Variants in ACTR10 observed in about 807,000 individuals in gnomAD.
ACTR10 encodes actin-related protein 10.
A neutral mutation model predicts 56.2 loss-of-function variants in ACTR10; 43 were observed. The ratio of observed to expected loss-of-function variants is 0.77; its 90% CI spans 0.60 to 0.99. ACTR10 has a LOEUF of 0.99. ACTR10 is among the 50% of genes least tolerant of loss of function. The pLI is 0.00. For synonymous variants in ACTR10, 170 were observed against 176.3 expected (o/e 0.96, Z 0.28); for missense variants, 466 against 507.8 (o/e 0.92, Z 0.79).
intron 5 of ACTR10, among the ~76,000 whole-genome samples, chr14:58,211,646 A>G (rs1008222369): frequency 6.6e-6 from 1 of 152,200 alleles, no homozygotes; most frequent in Non-Finnish European, 1.5e-5. Context: ...TCAGTTTTTA[A>G]AAGAAAAATC....
rs752703210 is a variant in ACTR10, at chr14:58,208,005, A to C, written c.220A>C (p.Ile74Leu). 4.0e-6 allele frequency: 6 copies of C among 1,510,216 alleles called. No individual in the cohort carries two copies. The highest frequency in any genetic ancestry group is 5.3e-6 in the Non-Finnish European group (6 of 1,136,956). 93.6% of individuals were successfully genotyped at this position (1,510,216 alleles called of 1,614,324 possible). A position where few individuals can be genotyped will look rare whatever the true frequency, so the allele number is the denominator to read the frequency against. ...TTCCTACCTAAAGGAATTCATCCAC[A>C]TACTATATTTCAGGTAAGATACATT... ...LYSYLKEFIH[I>L]LYFRHLLVNP... Residue 74 changes from isoleucine to leucine, a missense_variant, in exon 3 of 13, where the codon ATA becomes CTA. Transcript: ENST00000254286.
chr14:58,201,012 G>A (rs1888692431), intron 1 of ACTR10, among the ~76,000 whole-genome samples: 1 of 152,190 alleles, frequency 6.6e-6, no homozygotes, highest in Admixed American at 6.5e-5. Flanking sequence ...GTGGTCCTGG[G>A]ACCCTAGATT....
rs563556842 is a variant in ACTR10, at chr14:58,208,270, G to T, written c.233+252G>T. ...AATTAAATTATTCTACATTCATACA[G>T]TGAAATACCATGCAGCTCTTTAAAA... On this transcript the variant is annotated intron_variant, in intron 3 of 12. Coordinates refer to ENST00000254286, the MANE Select transcript of ACTR10 (RefSeq NM_018477.3). Among the ~76,000 whole-genome samples the T allele has an allele frequency of 4.8e-4, 73 of 152,234 alleles. 1 individual carries two copies. Among genetic ancestry groups the T allele is most frequent in the Admixed American group, 1.2e-3 (19 of 15,280 alleles).
At chr14:58,201,743 A>G (rs754356007) in intron 1 of ACTR10, among the ~76,000 whole-genome samples, 5 of 152,354 alleles carry the variant, frequency 3.3e-5, no homozygotes, top group Non-Finnish European at 7.3e-5. Context: ...TTTAAAAATA[A>G]TACTGTAATT....
intron 10 of ACTR10, among the ~76,000 whole-genome samples, chr14:58,226,258 C>T (rs977079346): frequency 6.6e-6 from 1 of 151,368 alleles, no homozygotes; most frequent in African/African-American, 2.4e-5. Context: ...AGAGTGAGAC[C>T]CCATCTCTTT....
chr14:58,210,780 T>C (rs533779066), intron 4 of ACTR10, among the ~76,000 whole-genome samples: 2 of 151,638 alleles, frequency 1.3e-5, no homozygotes, highest in South Asian at 4.2e-4. Context: ...GTTCAAGCAA[T>C]TCTCCTGCCT....
intron 10 of ACTR10, among the ~76,000 whole-genome samples, chr14:58,226,177 G>A (rs1368761464): frequency 6.6e-6 from 1 of 152,064 alleles, no homozygotes; most frequent in Non-Finnish European, 1.5e-5. Flanking sequence ...GAGGTGGGAG[G>A]ATCACTTGAG....
intron 8 of ACTR10, among the ~76,000 whole-genome samples, chr14:58,221,416 A>AATC (rs1269992213): frequency 1.3e-5 from 2 of 152,078 alleles, no homozygotes; most frequent in African/African-American, 4.8e-5. Flanking sequence ...CAACGTGATG[A>AATC]ACCCTGTCTC....
intron 7 of ACTR10, among the ~76,000 whole-genome samples, chr14:58,218,676 G>A (rs2140054397): frequency 6.6e-6 from 1 of 152,104 alleles, no homozygotes; most frequent in South Asian, 2.1e-4. Context: ...GACAACAAAT[G>A]TAGATCCAGG....
At chr14:58,204,462 G>A (rs1164700064) in intron 2 of ACTR10, among the ~76,000 whole-genome samples, 2 of 152,008 alleles carry the variant, frequency 1.3e-5, no homozygotes, top group African/African-American at 4.8e-5. Context: ...GAAGTGGGAG[G>A]ATCACTTGAG....
chr14:58,229,780 GTA>G (rs1187948778), intron 10 of ACTR10, among the ~76,000 whole-genome samples: 1 of 151,350 alleles, frequency 6.6e-6, no homozygotes, highest in African/African-American at 2.4e-5. Flanking sequence ...CATTATGTGT[GTA>G]TATATATGTA....
chr14:58,232,555 G>A (rs530583018), intron 12 of ACTR10, among the ~76,000 whole-genome samples: 3 of 151,314 alleles, frequency 2.0e-5, no homozygotes, highest in Non-Finnish European at 4.4e-5. Context: ...AGCTGGGACT[G>A]CAGGCGTGCA....
chr14:58,232,564 C>T (rs1276768745), intron 12 of ACTR10, among the ~76,000 whole-genome samples: 3 of 151,698 alleles, frequency 2.0e-5, no homozygotes, highest in African/African-American at 7.3e-5. Flanking sequence ...TGCAGGCGTG[C>T]ACCACCACGC....
chr14:58,207,362 G>T (rs1295663515), intron 2 of ACTR10, among the ~76,000 whole-genome samples: 3 of 150,924 alleles, frequency 2.0e-5, no homozygotes, highest in Non-Finnish European at 4.4e-5. Flanking sequence ...ATCTGGTTCT[G>T]TTGCCCAGGC....
chr14:58,208,101 A>C, intron 3 of ACTR10, 83 bp downstream of exon 3: 3 of 1,236,382 alleles, frequency 2.4e-6, no homozygotes, highest in Non-Finnish European at 3.2e-6. Context: ...GTTACAGCTG[A>C]GGCCAAAAAA....
chr14:58,201,990 G>A (rs1402751862), intron 1 of ACTR10, among the ~76,000 whole-genome samples: 3 of 130,994 alleles, frequency 2.3e-5, no homozygotes, highest in Admixed American at 8.1e-5. Flanking sequence ...GCGACAGAGC[G>A]AGACCCTGCC....
intron 2 of ACTR10, among the ~76,000 whole-genome samples, chr14:58,203,500 C>T (rs190339863): frequency 1.4e-4 from 22 of 152,120 alleles, no homozygotes; most frequent in African/African-American, 5.3e-4. Context: ...TCCCTAATAC[C>T]CGTTTACAAT....
chr14:58,203,790 C>G (rs1047904861), intron 2 of ACTR10, among the ~76,000 whole-genome samples: 1 of 151,954 alleles, frequency 6.6e-6, no homozygotes, highest in Non-Finnish European at 1.5e-5. Context: ...AAATTACAAC[C>G]AGTAGAAAGA....
intron 10 of ACTR10, among the ~76,000 whole-genome samples, chr14:58,226,846 T>C (rs1227188623): frequency 6.6e-6 from 1 of 152,010 alleles, no homozygotes; most frequent in African/African-American, 2.4e-5. Flanking sequence ...GTGATCTGCC[T>C]GCCTTGGCCT....
Sources: allele counts gnomAD v4.1 joint callset (sites outside exome capture counted in the v4.1 genomes callset), GRCh38; gene constraint gnomAD v4.1.1; transcripts MANE v1.5; gene names NCBI Gene and HGNC (gene_info 2026-07-23, HGNC 2026-07-21).